Variants in LIPI observed in about 807,000 individuals in gnomAD.
The protein encoded by LIPI is lipase I.
LIPI carries 59 observed loss-of-function variants against 50.6 expected under a neutral mutation model. The observed-to-expected ratio is 1.16, with a 90% CI of 0.94 to 1.45. LIPI has a LOEUF of 1.45. LIPI is among the 40% of genes most tolerant of loss of function. The pLI is 0.00. For synonymous variants in LIPI, 203 were observed against 178.2 expected, an observed-to-expected ratio of 1.14 and a Z score of -1.11; for missense variants, 586 against 536.3, an observed-to-expected ratio of 1.09 and a Z score of -0.92.
intron 9 of LIPI, among the ~76,000 whole-genome samples, chr21:14,125,233 T>C (rs1464497170): frequency 1.3e-5 from 2 of 152,172 alleles, no homozygotes; most frequent in Admixed American, 1.3e-4. Context: ...TAAATAAGCT[T>C]TTACTTAATT....
chr21:14,194,678 T>C (rs1270493483), intron 1 of LIPI, among the ~76,000 whole-genome samples: 1 of 152,116 alleles, frequency 6.6e-6, no homozygotes, highest in Non-Finnish European at 1.5e-5. Context: ...TTAATAGATA[T>C]AGAGTTGATG....
chr21:14,112,269 G>A (rs540089810), intron 9 of LIPI, among the ~76,000 whole-genome samples: 1 of 152,158 alleles, frequency 6.6e-6, no homozygotes, highest in South Asian at 2.1e-4. Flanking sequence ...GTTATTTGGT[G>A]TGATGTCTCT....
intron 9 of LIPI, among the ~76,000 whole-genome samples, chr21:14,140,776 A>G (rs79958715): frequency 0.018 from 2,690 of 152,180 alleles, 73 homozygotes; most frequent in African/African-American, 0.059. Flanking sequence ...TTCTTCCTCA[A>G]GCATCAAATA....
At chr21:14,197,936 A>G (rs1302913874) in intron 1 of LIPI, among the ~76,000 whole-genome samples, 1 of 152,196 alleles carries the variant, frequency 6.6e-6, no homozygotes, top group African/African-American at 2.4e-5. Flanking sequence ...CTGAAACCCT[A>G]CAAGCCAGAA....
intron 9 of LIPI, among the ~76,000 whole-genome samples, chr21:14,135,068 A>G (rs549170382): frequency 3.3e-5 from 5 of 150,796 alleles, no homozygotes; most frequent in African/African-American, 9.7e-5. Context: ...CTCAGAATCT[A>G]TAAGTAACTC....
Position 14,144,675 on chromosome 21 carries a change from A to G in LIPI, c.1243T>C (p.Cys415Arg), listed in dbSNP as rs151273428. ...ATGAGACTCTGGATCTTGTATGTGC[A>G]TGTGGAACACTGCAGATTTGAGCTC... ...FQSSNLQCST[C>R]TYKIQSLMLK... The change falls in exon 9 of 10, where the codon TGC becomes CGC. Residue 415 changes from cysteine to arginine, a missense_variant. By Grantham distance (180) the Cys-to-Arg change is radical. Coordinates refer to ENST00000681601, the MANE Select transcript of LIPI (RefSeq NM_001302998.2). 1.4e-5 allele frequency: 22 copies of G among 1,583,744 alleles called. No homozygotes were observed. In the Middle Eastern group the frequency reaches 6.6e-4, roughly 48 times the overall value.
intron 9 of LIPI, among the ~76,000 whole-genome samples, chr21:14,138,935 T>C (rs1167861735): frequency 1.3e-5 from 2 of 152,100 alleles, no homozygotes; most frequent in East Asian, 1.9e-4. Flanking sequence ...AAATAGACTA[T>C]AACTACTCCC....
At chr21:14,129,384 G>T (rs549207504) in intron 9 of LIPI, among the ~76,000 whole-genome samples, 1 of 152,110 alleles carries the variant, frequency 6.6e-6, no homozygotes, top group East Asian at 1.9e-4. Flanking sequence ...ATCAAATTTT[G>T]TTAAGATGTG....
At chr21:14,109,602 C>A (rs1439024313) in intron 9 of LIPI, among the ~76,000 whole-genome samples, 2 of 152,008 alleles carry the variant, frequency 1.3e-5, no homozygotes, top group East Asian at 3.8e-4. Context: ...CAGCACTGTT[C>A]ACATATTTAT....
At chr21:14,182,804 G>C (rs1356481031) in intron 3 of LIPI, among the ~76,000 whole-genome samples, 1 of 151,522 alleles carries the variant, frequency 6.6e-6, no homozygotes. Context: ...CCTCTTCAAG[G>C]AGAACTACAA....
chr21:14,121,124 G>A (rs1156324318), intron 9 of LIPI, among the ~76,000 whole-genome samples: 1 of 152,128 alleles, frequency 6.6e-6, no homozygotes, highest in Admixed American at 6.5e-5. Flanking sequence ...AAATAACCAG[G>A]ATATTATTAA....
chr21:14,151,050 A>G (rs1359317229), intron 8 of LIPI, among the ~76,000 whole-genome samples: 1 of 152,204 alleles, frequency 6.6e-6, no homozygotes, highest in Non-Finnish European at 1.5e-5. Context: ...AACCCAGGGT[A>G]CTATCTCAGG....
At chr21:14,125,386 C>T (rs552591954) in intron 9 of LIPI, among the ~76,000 whole-genome samples, 30 of 152,200 alleles carry the variant, frequency 2.0e-4, no homozygotes, top group African/African-American at 7.0e-4. Flanking sequence ...CTAAATAAAT[C>T]ACTAAAATAA....
chr21:14,136,273 A>C (rs906956435), intron 9 of LIPI, among the ~76,000 whole-genome samples: 4 of 152,172 alleles, frequency 2.6e-5, no homozygotes, highest in Non-Finnish European at 4.4e-5. Flanking sequence ...CGTGGGGTTC[A>C]CAATTCCAGG....
chr21:14,160,909 A>G (rs1487694302), intron 7 of LIPI, among the ~76,000 whole-genome samples: 1 of 151,482 alleles, frequency 6.6e-6, no homozygotes, highest in Admixed American at 6.6e-5. Flanking sequence ...AATGAATACT[A>G]AAACCACTGA....
chr21:14,200,737 T>C (rs1199605850), intron 1 of LIPI, among the ~76,000 whole-genome samples: 1 of 151,710 alleles, frequency 6.6e-6, no homozygotes, highest in East Asian at 1.9e-4. Context: ...CCATTGAGAG[T>C]ATTCACAGAA....
intron 9 of LIPI, among the ~76,000 whole-genome samples, chr21:14,126,770 C>T (rs986882244): frequency 1.3e-5 from 2 of 152,140 alleles, no homozygotes; most frequent in African/African-American, 4.8e-5. Flanking sequence ...TGAAACCAAT[C>T]TGCCACAGAT....
Position 14,144,795 on chromosome 21 carries a change from T to A in LIPI, c.1123A>T (p.Asn375Tyr), listed in dbSNP as rs2017841654. 1.9e-6 allele frequency: 3 copies of A among 1,562,738 alleles called. No individual in the cohort carries two copies. The African/African-American group carries it at 4.1e-5, about 21-fold the overall frequency. Reference sequence around the variant, plus strand: ...TCTTGAAGTTTATAAAATGGTTTGTTCTTTCTAGAGAGAAAATTTGATACA... The same window carrying A: ...TCTTGAAGTTTATAAAATGGTTTGTACTTTCTAGAGAGAAAATTTGATACA... ...MIEEPRLYEKNKPFYKLQEVK... is the reference protein window; with the variant it reads ...MIEEPRLYEKYKPFYKLQEVK... The change falls in exon 9 of 10, where the codon AAC becomes TAC. Residue 375 changes from asparagine (N) to tyrosine (Y), a missense_variant. Transcript: ENST00000681601.
chr21:14,131,274 A>G (rs1202799666), intron 9 of LIPI, among the ~76,000 whole-genome samples: 1 of 152,070 alleles, frequency 6.6e-6, no homozygotes, highest in East Asian at 1.9e-4. Flanking sequence ...TCCAGGACCA[A>G]CTAGCACTGG....
Sources: allele counts gnomAD v4.1 joint callset (sites outside exome capture counted in the v4.1 genomes callset), GRCh38; gene constraint gnomAD v4.1.1; transcripts MANE v1.5; gene names NCBI Gene and HGNC (gene_info 2026-07-23, HGNC 2026-07-21).